Variants in FGF12 observed in about 807,000 individuals in gnomAD.
FGF12 encodes fibroblast growth factor 12.
In FGF12, 14 loss-of-function variants were observed where a neutral mutation model predicts 23.6. The ratio of observed to expected loss-of-function variants is 0.59; its 90% CI spans 0.39 to 0.93. The LOEUF is 0.93. Ranked by LOEUF, FGF12 falls within the 40% of genes least tolerant of loss-of-function variation. The pLI is 0.00. For synonymous variants in FGF12, 62 were observed against 77.3 expected (o/e 0.80, Z 1.04); for missense variants, 175 against 217.8 (o/e 0.80, Z 1.24).
At chr3:192,689,622 A>G (rs1717878712) in intron 2 of FGF12, among the ~76,000 whole-genome samples, 1 of 151,988 alleles carries the variant, frequency 6.6e-6, no homozygotes, top group Non-Finnish European at 1.5e-5. Flanking sequence ...ATATAGTAAG[A>G]GTAGAAAAAA....
chr3:192,355,340 T>C (rs1718420646), intron 3 of FGF12, among the ~76,000 whole-genome samples: 1 of 152,208 alleles, frequency 6.6e-6, no homozygotes, highest in Non-Finnish European at 1.5e-5. Flanking sequence ...AAGGTGCTGA[T>C]AGATCAATAT....
intron 2 of FGF12, among the ~76,000 whole-genome samples, chr3:192,591,421 GA>G (rs1251694082): frequency 1.3e-5 from 2 of 151,782 alleles, no homozygotes; most frequent in African/African-American, 4.8e-5. Context: ...GAAGAAATGA[GA>G]AAGGTGCTTA....
Position 192,360,695 on chromosome 3 carries a change from C to T in FGF12, c.14-157G>A. On this transcript the variant is annotated intron_variant, in intron 2 of 5. Transcript: ENST00000445105. This position sits in a 1 kb window ranked among gnomAD's most constrained non-coding sequence, Gnocchi z 4.3. Reference sequence around the variant, plus strand: ...TGGGTGTTTCAGTAACATATCTATGCTTTTTTTTTTCCATTTAGAGGTAGA... The same window carrying T: ...TGGGTGTTTCAGTAACATATCTATGTTTTTTTTTTTCCATTTAGAGGTAGA... 1 of 539,690 alleles carries T rather than the reference C, an allele frequency of 1.9e-6. No homozygotes were observed. The highest frequency in any genetic ancestry group is 2.3e-5 in the South Asian group (1 of 42,610). 33.4% of individuals were successfully genotyped at this position (539,690 alleles called of 1,614,324 possible).
chr3:192,436,145 T>A (rs1672279734), intron 2 of FGF12, among the ~76,000 whole-genome samples: 1 of 152,152 alleles, frequency 6.6e-6, no homozygotes, highest in South Asian at 2.1e-4. Context: ...ACTGTCATAG[T>A]CCATGTCTAC....
intron 2 of FGF12, chr3:192,516,390 T>C (rs1724667974): frequency 6.6e-6 from 1 of 152,354 alleles, no homozygotes; most frequent in East Asian, 1.9e-4. Flanking sequence ...CCATCCATTG[T>C]CTCAAGGCTG....
chr3:192,165,324 C>G (rs1715103373), intron 5 of FGF12, among the ~76,000 whole-genome samples: 1 of 150,074 alleles, frequency 6.7e-6, no homozygotes, highest in Non-Finnish European at 1.5e-5. Flanking sequence ...AAAAAAAAAT[C>G]ACAAATAATG....
intron 2 of FGF12, among the ~76,000 whole-genome samples, chr3:192,474,783 G>A (rs1256593965): frequency 6.6e-6 from 1 of 151,788 alleles, no homozygotes; most frequent in African/African-American, 2.4e-5. Context: ...TATTTGGGAG[G>A]CTGAAGCAGG....
intron 2 of FGF12, chr3:192,516,857 A>G (rs184447792): frequency 5.6e-4 from 85 of 152,370 alleles, no homozygotes; most frequent in African/African-American, 2.0e-3. Flanking sequence ...AACCTGAGCC[A>G]TGGTCTTCAT....
intron 4 of FGF12, among the ~76,000 whole-genome samples, chr3:192,214,954 T>C (rs1718113991): frequency 6.6e-6 from 1 of 152,232 alleles, no homozygotes; most frequent in South Asian, 2.1e-4. Context: ...CTGGGAGAAC[T>C]GCTGGAAGAA....
At chr3:192,228,157 CA>C (rs1437466015) in intron 4 of FGF12, among the ~76,000 whole-genome samples, 50 of 140,970 alleles carry the variant, frequency 3.5e-4, no homozygotes, top group Middle Eastern at 3.5e-3. Context: ...ATGTTCTCGC[CA>C]AAAAAAAAAG....
chr3:192,249,140 A>C (rs979851786), intron 4 of FGF12, among the ~76,000 whole-genome samples: 1 of 152,152 alleles, frequency 6.6e-6, no homozygotes, highest in African/African-American at 2.4e-5. Flanking sequence ...TATTAATCAC[A>C]AGTTTTTTGA....
At chr3:192,240,115 G>A (rs1411707069) in intron 4 of FGF12, among the ~76,000 whole-genome samples, 2 of 152,114 alleles carry the variant, frequency 1.3e-5, no homozygotes, top group East Asian at 3.9e-4. Flanking sequence ...CCACCCTTAT[G>A]GTAATCCATT....
At chr3:192,555,170 C>T (rs564590214) in intron 2 of FGF12, among the ~76,000 whole-genome samples, 1 of 152,168 alleles carries the variant, frequency 6.6e-6, no homozygotes, top group South Asian at 2.1e-4. Flanking sequence ...AATGAATATC[C>T]ATATTCAAGA....
chr3:192,492,849 C>T (rs964722314), intron 2 of FGF12, among the ~76,000 whole-genome samples: 1 of 151,790 alleles, frequency 6.6e-6, no homozygotes, highest in Non-Finnish European at 1.5e-5. Flanking sequence ...GGGTCAGTTC[C>T]AAAATTTTTC....
At chr3:192,700,810 C>T (rs1346849357) in intron 2 of FGF12, among the ~76,000 whole-genome samples, 1 of 152,148 alleles carries the variant, frequency 6.6e-6, no homozygotes, top group East Asian at 1.9e-4. Flanking sequence ...CATTAACATT[C>T]AAACAGAGAT....
chr3:192,266,787 A>G (rs1166326254), intron 4 of FGF12, among the ~76,000 whole-genome samples: 5 of 150,526 alleles, frequency 3.3e-5, no homozygotes, highest in Non-Finnish European at 1.5e-5. Flanking sequence ...AATTTGCTCT[A>G]TCTTTAAACA....
rs769925901 is a variant in FGF12 at position 192,335,466 on chromosome 3, TG to T, written c.125-3del. 2.1e-5 allele frequency: 34 copies of T among 1,602,232 alleles called. 1 individual carries two copies. Among genetic ancestry groups the T allele is most frequent in the Non-Finnish European group, 2.8e-5 (33 of 1,169,782 alleles). ...CCACGGGAATTAGATTGAAGAGAGC[TG>T]GGGGGAGAAAAAGAAGGGCGGAAAG... On this transcript the variant is annotated splice_region_variant and splice_polypyrimidine_tract_variant and intron_variant, in intron 3 of 5. Coordinates refer to ENST00000445105, the MANE Select transcript of FGF12 (RefSeq NM_004113.6).
chr3:192,688,000 C>T (rs1040978210), intron 2 of FGF12, among the ~76,000 whole-genome samples: 6 of 151,904 alleles, frequency 3.9e-5, no homozygotes, highest in Non-Finnish European at 7.4e-5. Flanking sequence ...CCTTGGCTGC[C>T]ACACACATGC....
intron 2 of FGF12, among the ~76,000 whole-genome samples, chr3:192,379,424 A>T (rs1358944306): frequency 1.6e-5 from 2 of 127,834 alleles, no homozygotes; most frequent in South Asian, 2.2e-4. Flanking sequence ...ACTGCTCTAA[A>T]AAAAAAAAAA....
Sources: gnomAD v4.1 joint callset for allele counts (sites outside exome capture counted in the v4.1 genomes callset) on GRCh38, gnomAD v4.1.1 for gene constraint, Gnocchi (gnomAD v3.1) non-coding constraint, MANE v1.5 for transcripts, NCBI Gene and HGNC (gene_info 2026-07-23, HGNC 2026-07-21) for gene names.